The following TMEM132D variants were observed in gnomAD, a reference collection of about 807,000 sequenced individuals.
TMEM132D encodes mature OL transmembrane protein.
Under a neutral mutation model 62.3 loss-of-function variants are expected in TMEM132D, and 21 were observed. The observed-to-expected ratio is 0.34, with a 90% CI of 0.24 to 0.49. The LOEUF is 0.49. Among genes scored for constraint, TMEM132D ranks in the 20% least tolerant of loss-of-function variants. TMEM132D has a pLI of 0.99. For missense variants in TMEM132D, 1,346 were observed against 1,402.8 expected (o/e 0.96, Z 0.65); for synonymous variants, 621 against 575.6 (o/e 1.08, Z -1.13).
chr12:129,883,858 T>G (rs73440476), intron 1 of TMEM132D, among the ~76,000 whole-genome samples: 6,100 of 152,278 alleles, frequency 0.04, 399 homozygotes, highest in African/African-American at 0.14. Flanking sequence ...AAAGTGAATA[T>G]TGACCTATAC....
At chr12:129,432,661 C>T (rs2135717210) in intron 3 of TMEM132D, among the ~76,000 whole-genome samples, 1 of 152,298 alleles carries the variant, frequency 6.6e-6, no homozygotes, top group Non-Finnish European at 1.5e-5. Flanking sequence ...ATTTCTGGGC[C>T]ACCTCCTTTT....
chr12:129,236,331 A>G (rs934067171), intron 4 of TMEM132D, among the ~76,000 whole-genome samples: 3 of 151,934 alleles, frequency 2.0e-5, no homozygotes, highest in Non-Finnish European at 4.4e-5. Flanking sequence ...CCTGGCCAAT[A>G]TGGTGAAACC....
At chr12:129,181,930 C>T (rs1289329163) in intron 5 of TMEM132D, among the ~76,000 whole-genome samples, 2 of 152,194 alleles carry the variant, frequency 1.3e-5, no homozygotes, top group Non-Finnish European at 2.9e-5. Context: ...TCTCTGTTTT[C>T]TCACCACCAC....
intron 1 of TMEM132D, among the ~76,000 whole-genome samples, chr12:129,756,017 C>T (rs1870157482): frequency 6.6e-6 from 1 of 152,138 alleles, no homozygotes; most frequent in Admixed American, 6.5e-5. Flanking sequence ...CCTATTTCAC[C>T]AGGATAATGA....
chr12:129,764,860 G>C (rs1181899716), intron 1 of TMEM132D, among the ~76,000 whole-genome samples: 1 of 152,140 alleles, frequency 6.6e-6, no homozygotes, highest in African/African-American at 2.4e-5. Context: ...AGGATCGCTT[G>C]AGCCTGGGAG....
chr12:129,278,529 C>T, intron 4 of TMEM132D, among the ~76,000 whole-genome samples: 1 of 152,224 alleles, frequency 6.6e-6, no homozygotes, highest in South Asian at 2.1e-4. Context: ...GGCTTGGTTT[C>T]AGGAGGAGAA....
chr12:129,736,889 C>T (rs1380104562), intron 1 of TMEM132D, among the ~76,000 whole-genome samples: 1 of 149,064 alleles, frequency 6.7e-6, no homozygotes. Context: ...GCAGTCTTGG[C>T]TCACTGCAAC....
intron 4 of TMEM132D, among the ~76,000 whole-genome samples, chr12:129,235,070 C>T (rs560315107): frequency 6.6e-5 from 10 of 152,330 alleles, no homozygotes; most frequent in Non-Finnish European, 1.0e-4. Flanking sequence ...AAGCTACTCT[C>T]ATTCTATCTT....
chr12:129,260,290 G>C (rs765330173), intron 4 of TMEM132D, among the ~76,000 whole-genome samples: 16 of 152,142 alleles, frequency 1.1e-4, no homozygotes, highest in Admixed American at 2.6e-4. Context: ...GCCCCTGAGA[G>C]GTGGGCTGAA....
intron 1 of TMEM132D, among the ~76,000 whole-genome samples, chr12:129,801,144 G>A (rs541567129): frequency 1.1e-4 from 17 of 152,262 alleles, no homozygotes; most frequent in Middle Eastern, 3.4e-3. Flanking sequence ...GGGGAGGGGC[G>A]CCCGCCATTG....
chr12:129,667,856 C>T (rs614064), intron 2 of TMEM132D, among the ~76,000 whole-genome samples: 115,496 of 151,774 alleles, frequency 0.76, 44,378 homozygotes, highest in East Asian at 0.85. Flanking sequence ...AATTCTAATA[C>T]GACTTAGTCT....
intron 2 of TMEM132D, among the ~76,000 whole-genome samples, chr12:129,665,289 A>G (rs1034209299): frequency 2.0e-5 from 3 of 152,140 alleles, no homozygotes; most frequent in African/African-American, 7.2e-5. Context: ...AGCTAATTAG[A>G]AAACAAAGAA....
At position 129,617,683 on chromosome 12, in the gene TMEM132D, A is replaced by C. The variant is rs115827816; in HGVS notation, c.968+82127T>G. Among the ~76,000 whole-genome samples, 251 of 152,186 alleles carry C rather than the reference A, an allele frequency of 1.6e-3. 1 individual carries two copies. The highest frequency in any genetic ancestry group is 5.9e-3 in the African/African-American group (243 of 41,506). On this transcript the variant is annotated intron_variant, in intron 2 of 8. Transcript: ENST00000422113. ...CAAGGTGCTGTCAACGGTGCCTCAC[A>C]CCAGAGGACCTGCTTCCTGGTTCAT...
chr12:129,227,327 G>C (rs1259654275), intron 4 of TMEM132D, among the ~76,000 whole-genome samples: 1 of 65,714 alleles, frequency 1.5e-5, no homozygotes, highest in Non-Finnish European at 3.2e-5. Context: ...ATATATATAT[G>C]GCGCAAGTCG....
At chr12:129,562,824 C>T (rs1273733624) in intron 2 of TMEM132D, among the ~76,000 whole-genome samples, 1 of 152,148 alleles carries the variant, frequency 6.6e-6, no homozygotes, top group African/African-American at 2.4e-5. Flanking sequence ...CTGGAGAAAC[C>T]CCGTGCTTCC....
intron 5 of TMEM132D, among the ~76,000 whole-genome samples, chr12:129,145,644 G>C (rs1484604009): frequency 6.6e-6 from 1 of 152,046 alleles, no homozygotes; most frequent in Admixed American, 6.6e-5. Context: ...TGTCCCCAAG[G>C]CACCCTAAAG....
chr12:129,154,087 T>C (rs2135537359), intron 5 of TMEM132D, among the ~76,000 whole-genome samples: 1 of 152,302 alleles, frequency 6.6e-6, no homozygotes, highest in South Asian at 2.1e-4. Flanking sequence ...CATCATCTTT[T>C]CTTTGGTAGC....
chr12:129,799,090 C>T (rs1238693663), intron 1 of TMEM132D, among the ~76,000 whole-genome samples: 6 of 149,938 alleles, frequency 4.0e-5, no homozygotes, highest in South Asian at 2.1e-4. Flanking sequence ...CACAGTGAAA[C>T]CCCGTCTCTA....
intron 4 of TMEM132D, among the ~76,000 whole-genome samples, chr12:129,213,522 AAAC>A (rs976888867): frequency 1.3e-5 from 2 of 151,960 alleles, no homozygotes; most frequent in African/African-American, 4.8e-5. Flanking sequence ...AAACAAAACA[AAAC>A]AAAAAAACCT....
Sources: gnomAD v4.1 joint callset for allele counts (sites outside exome capture counted in the v4.1 genomes callset) on GRCh38, gnomAD v4.1.1 for gene constraint, MANE v1.5 for transcripts, NCBI Gene and HGNC (gene_info 2026-07-23, HGNC 2026-07-21) for gene names.